Variants in CACNA1D observed in about 807,000 individuals in gnomAD.
CACNA1D encodes voltage-dependent L-type calcium channel subunit alpha-1D.
In CACNA1D, 55 loss-of-function variants were observed where a neutral mutation model predicts 257.1. The ratio of observed to expected loss-of-function variants is 0.21; its 90% CI spans 0.17 to 0.27. CACNA1D has a LOEUF of 0.27. Among genes scored for constraint, CACNA1D ranks in the 10% least tolerant of loss-of-function variants. The pLI, the probability that CACNA1D is intolerant of heterozygous loss-of-function variation, is 1.00. For missense variants in CACNA1D, 1,876 were observed against 2,784.0 expected, an observed-to-expected ratio of 0.67 and a Z score of 7.34; for synonymous variants, 980 against 1,014.9, an observed-to-expected ratio of 0.97 and a Z score of 0.65.
intron 8 of CACNA1D, among the ~76,000 whole-genome samples, chr3:53,686,678 GA>G (rs199903893): frequency 2.0e-4 from 30 of 149,788 alleles, no homozygotes; most frequent in Admixed American, 1.7e-3. Context: ...TCCTCAGCCT[GA>G]AAAAAAAACT....
In CACNA1D at chr3:53,660,195, G is replaced by T; in HGVS notation, c.686G>T (p.Gly229Val). 2 of 1,613,998 alleles carry T rather than the reference G, an allele frequency of 1.2e-6. No individual in the cohort carries two copies. The highest frequency in any genetic ancestry group is 1.7e-6 in the Non-Finnish European group (2 of 1,179,840). ...KETEGGNHSS[G>V]KSGGFDVKAL... ...ACAGAAGGCGGGAACCACTCAAGCG[G>T]CAAATCTGGAGGCTTTGATGTCAAA... is the stretch of plus-strand genomic sequence containing the variant. The change falls in exon 5 of 48, where the codon GGC becomes GTC. Residue 229 changes from glycine to valine, a missense_variant. By Grantham distance (109) the Gly-to-Val change is moderately radical. Around this residue, in one of 10 missense-constraint regions of CACNA1D, gnomAD observed 188 missense variants for 390.4 expected, o/e 0.48. Coordinates refer to ENST00000350061, the MANE Select transcript of CACNA1D (RefSeq NM_001128840.3).
chr3:53,571,727 G>A (rs560243780), intron 3 of CACNA1D, among the ~76,000 whole-genome samples: 2 of 152,134 alleles, frequency 1.3e-5, no homozygotes, highest in East Asian at 1.9e-4. Context: ...AAATAATATC[G>A]CCTTTTTTAG....
At position 53,684,344 on chromosome 3, in the gene CACNA1D, G is replaced by A. The variant is rs58478299; in HGVS notation, c.1220+11218G>A. On this transcript the variant is annotated intron_variant, in intron 8 of 47. Coordinates refer to ENST00000350061, the MANE Select transcript of CACNA1D (RefSeq NM_001128840.3). Reference sequence around the variant, plus strand: ...CGCTTTAAAAACGAGGAGCATGGCCGGGCACGGTGGCTTACACCTCTAATC... The same window carrying A: ...CGCTTTAAAAACGAGGAGCATGGCCAGGCACGGTGGCTTACACCTCTAATC... Among the ~76,000 whole-genome samples the A allele has an allele frequency of 5.3e-3, 813 of 152,214 alleles. 9 individuals are homozygous for A. Among genetic ancestry groups the A allele is most frequent in the African/African-American group, 0.019 (777 of 41,530 alleles).
chr3:53,720,231 C>CA (rs2094868090), intron 11 of CACNA1D, among the ~76,000 whole-genome samples: 1 of 152,102 alleles, frequency 6.6e-6, no homozygotes, highest in Admixed American at 6.6e-5. Context: ...CATTTTTCAA[C>CA]AAAAACATTT....
At chr3:53,746,501 G>T (rs915041155) in intron 25 of CACNA1D, among the ~76,000 whole-genome samples, 3 of 152,320 alleles carry the variant, frequency 2.0e-5, no homozygotes, top group Non-Finnish European at 4.4e-5. Flanking sequence ...TTCAGACTGT[G>T]CAGAGGCCTG....
At chr3:53,749,984 A>G (rs1371467001) in intron 27 of CACNA1D, among the ~76,000 whole-genome samples, 1 of 152,198 alleles carries the variant, frequency 6.6e-6, no homozygotes, top group African/African-American at 2.4e-5. Context: ...GGTAGCAGTA[A>G]CCAAAATGTC....
At chr3:53,651,035 T>G (rs1028022487) in intron 4 of CACNA1D, 117 bp downstream of exon 4, 1 of 920,928 alleles carries the variant, frequency 1.1e-6, no homozygotes, top group African/African-American at 1.6e-5. Flanking sequence ...TTATGCCAGC[T>G]GTTGCACCAG....
chr3:53,599,107 C>T (rs77159121), intron 3 of CACNA1D, among the ~76,000 whole-genome samples: 1,997 of 152,038 alleles, frequency 0.013, 43 homozygotes, highest in African/African-American at 0.045. Context: ...GAATCTTTCA[C>T]ATGTTAATAT....
chr3:53,796,091 G>T (rs534229061), intron 40 of CACNA1D: 71 of 258,872 alleles, frequency 2.7e-4, no homozygotes, highest in African/African-American at 1.5e-3. Flanking sequence ...ACGGCAGCTT[G>T]CAGATGAGCA....
At chr3:53,701,286 A>G (rs2094623278) in intron 8 of CACNA1D, among the ~76,000 whole-genome samples, 1 of 152,068 alleles carries the variant, frequency 6.6e-6, no homozygotes, top group Non-Finnish European at 1.5e-5. Context: ...GGACTGCACC[A>G]CCATGCCCAG....
chr3:53,538,985 G>A (rs989638906), intron 3 of CACNA1D, among the ~76,000 whole-genome samples: 1 of 152,088 alleles, frequency 6.6e-6, no homozygotes, highest in Non-Finnish European at 1.5e-5. Flanking sequence ...CAGTGTTTAT[G>A]GTAATGACTT....
intron 5 of CACNA1D, 119 bp downstream of exon 5, chr3:53,660,394 C>T: frequency 1.1e-6 from 1 of 881,592 alleles, no homozygotes; most frequent in Non-Finnish European, 1.9e-6. Context: ...CAGCAGATGA[C>T]CATGGCCTCC....
chr3:53,682,395 A>AAAAAAAC (rs2094440918), intron 8 of CACNA1D, among the ~76,000 whole-genome samples: 1 of 137,612 alleles, frequency 7.3e-6, no homozygotes, highest in African/African-American at 2.7e-5. Flanking sequence ...AAAAAAAAAA[A>AAAAAAAC]ACAGAAGTCT....
chr3:53,733,930 T>TGTTTGTG (rs2095026628), intron 19 of CACNA1D, among the ~76,000 whole-genome samples: 6 of 134,034 alleles, frequency 4.5e-5, no homozygotes, highest in Admixed American at 3.0e-4. Context: ...GTGTGTGTGT[T>TGTTTGTG]TGTGTGTGTG....
intron 7 of CACNA1D, among the ~76,000 whole-genome samples, chr3:53,672,154 G>A (rs565684805): frequency 6.6e-6 from 1 of 152,190 alleles, no homozygotes; most frequent in Non-Finnish European, 1.5e-5. Flanking sequence ...GAGCTTGTCC[G>A]GGAATAGGGG....
At chr3:53,540,015 C>T (rs754362358) in intron 3 of CACNA1D, among the ~76,000 whole-genome samples, 5 of 149,428 alleles carry the variant, frequency 3.3e-5, no homozygotes, top group Non-Finnish European at 7.4e-5. Context: ...GGGTGTGTTG[C>T]GAATTTCTTC....
chr3:53,809,811 A>G, intron 46 of CACNA1D, 167 bp from the exon 47 acceptor site: 1 of 679,688 alleles, frequency 1.5e-6, no homozygotes, highest in Non-Finnish European at 2.7e-6. Flanking sequence ...AAACAAAGTC[A>G]TCACCGCCCA....
At chr3:53,651,921 G>A (rs896336251) in intron 4 of CACNA1D, among the ~76,000 whole-genome samples, 1 of 152,118 alleles carries the variant, frequency 6.6e-6, no homozygotes, top group East Asian at 1.9e-4. Flanking sequence ...AGTGGAATTG[G>A]TTGTGGGCCT....
intron 46 of CACNA1D, chr3:53,809,145 T>TCGA (rs1194123137): frequency 4.1e-6 from 1 of 241,274 alleles, no homozygotes; most frequent in East Asian, 1.0e-4. Context: ...CTTCATTTTC[T>TCGA]CTAAGAAGTG....
Sources: allele counts gnomAD v4.1 joint callset (sites outside exome capture counted in the v4.1 genomes callset), GRCh38; gene constraint gnomAD v4.1.1; regional missense constraint gnomAD v4.1.1; transcripts MANE v1.5; gene names NCBI Gene and HGNC (gene_info 2026-07-23, HGNC 2026-07-21).